Variants in MAP7 observed in about 807,000 individuals in gnomAD.
The protein encoded by MAP7 is ensconsin.
A neutral mutation model predicts 94.8 loss-of-function variants in MAP7; 52 were observed. The ratio of observed to expected loss-of-function variants is 0.55; its 90% CI spans 0.44 to 0.69. MAP7 has a LOEUF of 0.69. Ranked by LOEUF, MAP7 falls within the 30% of genes least tolerant of loss-of-function variation. The pLI is 0.00. For synonymous variants in MAP7, 350 were observed against 357.0 expected (o/e 0.98, Z 0.22); for missense variants, 940 against 964.6 (o/e 0.97, Z 0.34).
At chr6:136,380,484 T>C (rs1012320305) in intron 6 of MAP7, among the ~76,000 whole-genome samples, 4 of 152,208 alleles carry the variant, frequency 2.6e-5, no homozygotes, top group Admixed American at 2.6e-4. Flanking sequence ...GTGAGCAGAA[T>C]TTATTTCGAG....
At chr6:136,487,167 T>C (rs1815044774) in intron 1 of MAP7, among the ~76,000 whole-genome samples, 1 of 152,192 alleles carries the variant, frequency 6.6e-6, no homozygotes, top group African/African-American at 2.4e-5. Context: ...GAATCCTTAA[T>C]GAAGAAATCC....
rs150702987 is a variant in MAP7 at position 136,361,098 on chromosome 6, G to A, written c.1608C>T (p.Ala536=). The change falls in exon 12 of 18, where the codon GCC becomes GCT. Residue 536 remains alanine, a synonymous_variant. Transcript: ENST00000354570. ...RREEESRRLE[A]EQAREKEEQL... Reference sequence around the variant, plus strand: ...GCTCCTCCTTCTCCCGGGCCTGCTCGGCTTCCAGCCTGCGCGACTCCTCCT... The same window carrying A: ...GCTCCTCCTTCTCCCGGGCCTGCTCAGCTTCCAGCCTGCGCGACTCCTCCT... 29 of 1,605,020 alleles carry A rather than the reference G, an allele frequency of 1.8e-5. No individual in the cohort carries two copies. In the African/African-American group the frequency reaches 2.8e-4, roughly 16 times the overall value.
chr6:136,513,665 G>A (rs1252842040), intron 1 of MAP7, among the ~76,000 whole-genome samples: 2 of 152,148 alleles, frequency 1.3e-5, no homozygotes, highest in Non-Finnish European at 2.9e-5. Context: ...TGCGACCTGA[G>A]TATACCCTGA....
chr6:136,487,094 T>C (rs1815019151), intron 1 of MAP7, among the ~76,000 whole-genome samples: 1 of 151,970 alleles, frequency 6.6e-6, no homozygotes, highest in Non-Finnish European at 1.5e-5. Context: ...AAACATAAAA[T>C]AAACCACCAT....
At chr6:136,353,097 G>A (rs778461572) in intron 16 of MAP7, among the ~76,000 whole-genome samples, 9 of 152,174 alleles carry the variant, frequency 5.9e-5, no homozygotes, top group Non-Finnish European at 8.8e-5. Flanking sequence ...GAAATGCACT[G>A]TTTCTCAAAC....
intron 1 of MAP7, among the ~76,000 whole-genome samples, chr6:136,471,332 G>C (rs1327943822): frequency 1.3e-5 from 2 of 152,146 alleles, no homozygotes; most frequent in Non-Finnish European, 2.9e-5. Flanking sequence ...ACTTGCTCTG[G>C]ACACCCTTCT....
intron 8 of MAP7, among the ~76,000 whole-genome samples, chr6:136,372,087 G>C (rs1774686186): frequency 6.6e-6 from 1 of 152,198 alleles, no homozygotes; most frequent in Admixed American, 6.5e-5. Context: ...CACATTTAGA[G>C]TTCAGCCAGC....
At chr6:136,486,838 A>G (rs1814936567) in intron 1 of MAP7, among the ~76,000 whole-genome samples, 1 of 152,242 alleles carries the variant, frequency 6.6e-6, no homozygotes, top group African/African-American at 2.4e-5. Context: ...CAAAACAACA[A>G]AAATTTAAAT....
At chr6:136,394,862 C>A in intron 3 of MAP7, among the ~76,000 whole-genome samples, 1 of 140,160 alleles carries the variant, frequency 7.1e-6, no homozygotes, top group African/African-American at 2.6e-5. Flanking sequence ...AGACAGTGAC[C>A]TGCAGTTTTA....
chr6:136,358,801 C>T (rs940731543), intron 15 of MAP7, among the ~76,000 whole-genome samples: 3 of 152,148 alleles, frequency 2.0e-5, no homozygotes, highest in Non-Finnish European at 4.4e-5. Flanking sequence ...CTACTAACCA[C>T]CTGCATGTAC....
chr6:136,434,157 A>C (rs1795708621), intron 1 of MAP7, among the ~76,000 whole-genome samples: 1 of 151,954 alleles, frequency 6.6e-6, no homozygotes, highest in African/African-American at 2.4e-5. Flanking sequence ...AAATACAAAG[A>C]TTAGCCGGGC....
intron 1 of MAP7, among the ~76,000 whole-genome samples, chr6:136,457,483 C>T (rs1055658906): frequency 3.9e-5 from 6 of 152,040 alleles, no homozygotes; most frequent in African/African-American, 7.2e-5. Flanking sequence ...GCGGTGTTAC[C>T]GTTACCCCAT....
chr6:136,361,939 T>C (rs546540424), intron 11 of MAP7, among the ~76,000 whole-genome samples: 3 of 152,322 alleles, frequency 2.0e-5, no homozygotes, highest in Non-Finnish European at 4.4e-5. Context: ...GACTGTACAA[T>C]TGTACCTCTG....
intron 1 of MAP7, among the ~76,000 whole-genome samples, chr6:136,467,316 A>T (rs1807465407): frequency 6.6e-6 from 1 of 152,192 alleles, no homozygotes; most frequent in Non-Finnish European, 1.5e-5. Context: ...TCCATACTAA[A>T]AGCATCTGAA....
intron 3 of MAP7, among the ~76,000 whole-genome samples, chr6:136,403,247 T>C (rs1352894464): frequency 6.6e-6 from 1 of 152,216 alleles, no homozygotes; most frequent in African/African-American, 2.4e-5. Context: ...TCATATGACC[T>C]GCCATCCTCA....
At chr6:136,500,667 G>A (rs557085619) in intron 1 of MAP7, among the ~76,000 whole-genome samples, 1 of 152,086 alleles carries the variant, frequency 6.6e-6, no homozygotes, top group African/African-American at 2.4e-5. Flanking sequence ...AATCCCAAAG[G>A]GATTTGAATG....
At chr6:136,394,931 C>CATATATATAT (rs144839767) in intron 3 of MAP7, among the ~76,000 whole-genome samples, 971 of 27,386 alleles carry the variant, frequency 0.035, 193 homozygotes, top group Non-Finnish European at 0.054. Context: ...AATATTCCAT[C>CATATATATAT]ATATATATAT....
chr6:136,482,600 CAA>C (rs372638079), intron 1 of MAP7, among the ~76,000 whole-genome samples: 13 of 120,336 alleles, frequency 1.1e-4, no homozygotes, highest in Non-Finnish European at 1.1e-4. Context: ...GGCTCCATCT[CAA>C]AAAAAAAAAA....
intron 2 of MAP7, among the ~76,000 whole-genome samples, 171 bp from the exon 3 acceptor site, chr6:136,411,868 A>G (rs568633475): frequency 1.3e-5 from 2 of 152,336 alleles, no homozygotes; most frequent in Admixed American, 1.3e-4. Flanking sequence ...CAATTATTAG[A>G]AGTTTTCTAA....
Sources: allele counts gnomAD v4.1 joint callset (sites outside exome capture counted in the v4.1 genomes callset), GRCh38; gene constraint gnomAD v4.1.1; transcripts MANE v1.5; gene names NCBI Gene and HGNC (gene_info 2026-07-23, HGNC 2026-07-21).